The following PSAP variants were observed in gnomAD, a reference collection of about 807,000 sequenced individuals.
The protein encoded by PSAP is precursor of saposins.
A neutral mutation model predicts 66.0 loss-of-function variants in PSAP; 25 were observed. The ratio of observed to expected loss-of-function variants is 0.38; its 90% CI spans 0.28 to 0.53. The LOEUF is 0.53. PSAP is among the 20% of genes least tolerant of loss of function. PSAP has a pLI of 0.83. For synonymous variants in PSAP, 273 were observed against 258.9 expected (o/e 1.05, Z -0.52); for missense variants, 649 against 668.8 (o/e 0.97, Z 0.33).
chr10:71,851,104 A>G (rs1337213086), intron 1 of PSAP, 78 bp downstream of exon 1: 2 of 1,498,092 alleles, frequency 1.3e-6, no homozygotes, highest in Non-Finnish European at 1.8e-6. Flanking sequence ...CAGAGGGGCC[A>G]GGCCCGGCAC....
chr10:71,831,416 A>C (rs1216023249), intron 3 of PSAP, among the ~76,000 whole-genome samples, 165 bp from the exon 4 acceptor site: 1 of 152,214 alleles, frequency 6.6e-6, no homozygotes, highest in Non-Finnish European at 1.5e-5. Flanking sequence ...CTATTAGGTC[A>C]ATCAGGCAAA....
rs536325011 is a variant in PSAP at position 71,823,675 on chromosome 10, G to A, written c.778-1668C>T. Reference sequence around the variant, plus strand: ...TGCTGGCTTCATTTTACTGGACCCCGAAGGGGAGATGAGACCCCCAAAACC... The same window carrying A: ...TGCTGGCTTCATTTTACTGGACCCCAAAGGGGAGATGAGACCCCCAAAACC... On this transcript the variant is annotated intron_variant, in intron 7 of 13. Coordinates refer to ENST00000394936, the MANE Select transcript of PSAP (RefSeq NM_002778.4). 8.5e-5 allele frequency among the ~76,000 whole-genome samples: 13 copies of A among 152,256 alleles called. No homozygotes were observed. The South Asian group carries it at 1.2e-3, about 15-fold the overall frequency.
chr10:71,830,780 A>G (rs1433632812), intron 4 of PSAP, among the ~76,000 whole-genome samples: 1 of 152,258 alleles, frequency 6.6e-6, no homozygotes, highest in Non-Finnish European at 1.5e-5. Flanking sequence ...ATAAGTTCAC[A>G]GAAATAAATT....
At chr10:71,825,245 A>G (rs1363086334) in intron 7 of PSAP, among the ~76,000 whole-genome samples, 1 of 152,186 alleles carries the variant, frequency 6.6e-6, no homozygotes, top group Non-Finnish European at 1.5e-5. Flanking sequence ...AGCCCTGCCA[A>G]TCAGATCTAA....
rs1313057234 is a variant in PSAP at position 71,828,901 on chromosome 10, G to T, written c.552C>A (p.Gly184=). 1 of 1,614,132 alleles carries T rather than the reference G, an allele frequency of 6.2e-7. No homozygotes were observed. Among genetic ancestry groups the T allele is most frequent in the East Asian group, 2.2e-5 (1 of 44,866 alleles). ...CCTTTGGCTGGGGCTTGCTGCGGGG[G>T]CCGTCCTGAGGGTAGAGGAGGAGAG... ...NIPLLLYPQD[G]PRSKPQPKDN... Residue 184 remains glycine, a synonymous_variant, in exon 5 of 14, where the codon GGC becomes GGA. Coordinates refer to ENST00000394936, the MANE Select transcript of PSAP (RefSeq NM_002778.4).
In PSAP at chr10:71,828,013, C is replaced by T. The variant is rs971589777; in HGVS notation, c.720+1G>A. ...CCAATGCACAAGGACACAAGGCTCA[C>T]TATGTCGGCCATGCCAGGGCCCAGG... is the stretch of plus-strand genomic sequence containing the variant. On this transcript the variant is annotated splice_donor_variant, in intron 6 of 13. Coordinates refer to ENST00000394936, the MANE Select transcript of PSAP (RefSeq NM_002778.4). LOFTEE classifies it high-confidence loss of function. 1 of 1,614,074 alleles carries T rather than the reference C, an allele frequency of 6.2e-7. No individual in the cohort carries two copies. The highest frequency in any genetic ancestry group is 8.5e-7 in the Non-Finnish European group (1 of 1,180,024).
rs750768608 is a variant in PSAP at position 71,831,176 on chromosome 10, T to A, written c.325A>T (p.Ile109Leu). Residue 109 changes from isoleucine to leucine, a missense_variant, in exon 4 of 14, where the codon ATA (isoleucine) becomes TTA (leucine). Ile to Leu is a conservative substitution (Grantham distance 5, BLOSUM62 2). Transcript: ENST00000394936. ...KPNMSASCKE[I>L]VDSYLPVILD... The stretch of plus-strand genomic sequence containing the variant: ...ATGACAGGGAGGTAGGAGTCCACTA[T>A]CTCCTTGCATGAAGCAGACATGTTC... 21 of 1,613,922 alleles carry A rather than the reference T, an allele frequency of 1.3e-5. No homozygotes were observed. The highest frequency in any genetic ancestry group is 3.3e-5 in the Admixed American group (2 of 59,988).
chr10:71,848,258 C>T (rs927213378), intron 1 of PSAP, among the ~76,000 whole-genome samples: 2 of 152,224 alleles, frequency 1.3e-5, no homozygotes, highest in Non-Finnish European at 2.9e-5. Flanking sequence ...TCGGGGGCTG[C>T]TCACTTTGTG....
At chr10:71,835,018 C>T (rs1842593790) in intron 1 of PSAP, among the ~76,000 whole-genome samples, 1 of 151,546 alleles carries the variant, frequency 6.6e-6, no homozygotes, top group Admixed American at 6.6e-5. Flanking sequence ...GGGTGGATCA[C>T]GACGTCAGGA....
At position 71,816,356 on chromosome 10, in the gene PSAP, C is replaced by T. The variant is rs41282244; in HGVS notation, c.*1085G>A. ...AAACTTTAGTGCAAAACAAAAATCA[C>T]GAAGTCCATTTAATAGCAACTTCAT... On this transcript the variant is annotated 3_prime_UTR_variant, in exon 14 of 14. Coordinates refer to ENST00000394936, the MANE Select transcript of PSAP (RefSeq NM_002778.4). 51 of 465,356 alleles carry T rather than the reference C, an allele frequency of 1.1e-4. No homozygotes were observed. Among genetic ancestry groups the T allele is most frequent in the African/African-American group, 2.4e-4 (12 of 50,112 alleles). 28.8% of individuals were successfully genotyped at this position (465,356 alleles called of 1,614,324 possible). A position where few individuals can be genotyped will look rare whatever the true frequency, so the allele number is the denominator to read the frequency against.
At chr10:71,826,667 G>A (rs779213031) in intron 6 of PSAP, among the ~76,000 whole-genome samples, 1 of 151,892 alleles carries the variant, frequency 6.6e-6, no homozygotes, top group Non-Finnish European at 1.5e-5. Flanking sequence ...TTTGAGCCCA[G>A]GAGGTAAAGG....
In PSAP at chr10:71,817,261, C is replaced by T; in HGVS notation, c.*180G>A. ...AGGGGCACTGAAGCAGCTATGTCTG[C>T]CAGGGGCTAGGGGCTCCCTTGCAGA... On this transcript the variant is annotated 3_prime_UTR_variant, in exon 14 of 14. Coordinates refer to ENST00000394936, the MANE Select transcript of PSAP (RefSeq NM_002778.4). 1.3e-6 allele frequency: 1 copy of T among 748,134 alleles called. No individual in the cohort carries two copies. The allele number at this position is 748,134 out of a possible 1,614,324, so 46.3% of individuals were successfully genotyped here.
chr10:71,822,274 C>T (rs1842318333), intron 7 of PSAP: 2 of 515,768 alleles, frequency 3.9e-6, no homozygotes, highest in African/African-American at 3.9e-5. Context: ...CCAGGGCCAC[C>T]ACGAGGGAGA....
chr10:71,843,282 C>T (rs559882229), intron 1 of PSAP, among the ~76,000 whole-genome samples: 6 of 152,262 alleles, frequency 3.9e-5, no homozygotes, highest in African/African-American at 1.4e-4. Context: ...GAAGGCTGGA[C>T]AGCAGGCCAG....
chr10:71,828,286 CA>C (rs1842434150), intron 5 of PSAP, 129 bp from the exon 6 acceptor site: 1 of 932,578 alleles, frequency 1.1e-6, no homozygotes, highest in Non-Finnish European at 1.8e-6. Context: ...TACAGGCTCT[CA>C]AATTACTGAT....
intron 13 of PSAP, among the ~76,000 whole-genome samples, chr10:71,818,307 C>G (rs2133028147): frequency 6.6e-6 from 1 of 152,300 alleles, no homozygotes; most frequent in East Asian, 1.9e-4. Flanking sequence ...TGTACAATCC[C>G]TGGAGTGACC....
chr10:71,824,703 G>C (rs1467884792), intron 7 of PSAP, among the ~76,000 whole-genome samples: 3 of 152,180 alleles, frequency 2.0e-5, no homozygotes, highest in Non-Finnish European at 2.9e-5. Flanking sequence ...AAAGTACAAG[G>C]TAGTATATAT....
At chr10:71,821,233 A>T in intron 8 of PSAP, among the ~76,000 whole-genome samples, 1 of 152,242 alleles carries the variant, frequency 6.6e-6, no homozygotes, top group East Asian at 1.9e-4. Flanking sequence ...GTTCTAGAAC[A>T]AGAAGCGTGT....
intron 7 of PSAP, 161 bp from the exon 8 acceptor site, chr10:71,822,168 T>A: frequency 1.1e-6 from 1 of 918,710 alleles, no homozygotes; most frequent in African/African-American, 1.6e-5. Flanking sequence ...GTTTCCATGT[T>A]AAAGGGCTCG....
Sources: allele counts gnomAD v4.1 joint callset (sites outside exome capture counted in the v4.1 genomes callset), GRCh38; gene constraint gnomAD v4.1.1; transcripts MANE v1.5; gene names NCBI Gene and HGNC (gene_info 2026-07-23, HGNC 2026-07-21).